The following PPM1H variants were observed in gnomAD, a reference collection of about 807,000 sequenced individuals.
PPM1H encodes protein phosphatase 1H.
A neutral mutation model predicts 54.9 loss-of-function variants in PPM1H; 27 were observed. That is an observed-to-expected ratio of 0.49 (90% CI 0.36 to 0.68). The LOEUF is 0.68. Ranked by LOEUF, PPM1H falls within the 30% of genes least tolerant of loss-of-function variation. The pLI, the probability that PPM1H is intolerant of heterozygous loss-of-function variation, is 0.00. For synonymous variants in PPM1H, 305 were observed against 270.8 expected (o/e 1.13, Z -1.24); for missense variants, 596 against 667.8 (o/e 0.89, Z 1.19).
At chr12:62,908,141 C>T (rs191472211) in intron 1 of PPM1H, among the ~76,000 whole-genome samples, 71 of 152,160 alleles carry the variant, frequency 4.7e-4, no homozygotes, top group Admixed American at 9.2e-4. Flanking sequence ...CAGCTGGGTG[C>T]GGTGGCTCAT....
At chr12:62,717,058 C>T (rs181145041) in intron 6 of PPM1H, among the ~76,000 whole-genome samples, 6 of 152,296 alleles carry the variant, frequency 3.9e-5, no homozygotes, top group Admixed American at 1.3e-4. Flanking sequence ...ACCGCACCCT[C>T]GAATTCCTGG....
intron 8 of PPM1H, among the ~76,000 whole-genome samples, chr12:62,687,341 C>T (rs1401211565): frequency 6.6e-6 from 1 of 152,184 alleles, no homozygotes; most frequent in Non-Finnish European, 1.5e-5. Context: ...AATCATGGCT[C>T]ACTGCAACTT....
chr12:62,918,897 G>A (rs191959706), intron 1 of PPM1H, among the ~76,000 whole-genome samples: 225 of 152,288 alleles, frequency 1.5e-3, no homozygotes, highest in African/African-American at 4.6e-3. Flanking sequence ...ATTATCAATC[G>A]AAGCTAATTA....
rs766595362 is a variant in PPM1H, at chr12:62,801,951, G to A, written c.621C>T (p.Thr207=). 5 of 1,612,646 alleles carry A rather than the reference G, an allele frequency of 3.1e-6. No individual in the cohort carries two copies. The South Asian group carries it at 3.3e-5, about 11-fold the overall frequency. The part of the protein sequence containing the change: ...ENTPANSRTL[T]RAASLRGGVG... ...CCCCTCCGCGCAGGGAGGCTGCCCG[G>A]GTCAGAGTCCGGCTGTTGGCGGGCG... Residue 207 remains threonine (T), a synonymous_variant, in exon 3 of 10, where the codon ACC becomes ACT. Coordinates refer to ENST00000228705, the MANE Select transcript of PPM1H (RefSeq NM_020700.2).
At chr12:62,652,922 T>G (rs1265016070) in intron 9 of PPM1H, among the ~76,000 whole-genome samples, 1 of 152,220 alleles carries the variant, frequency 6.6e-6, no homozygotes, top group Non-Finnish European at 1.5e-5. Flanking sequence ...TTAACAATGG[T>G]CTGTGAGTGG....
intron 1 of PPM1H, among the ~76,000 whole-genome samples, chr12:62,862,135 A>ATTCT (rs1869623950): frequency 6.6e-6 from 1 of 152,192 alleles, no homozygotes; most frequent in South Asian, 2.1e-4. Context: ...GCAGAGAGCA[A>ATTCT]AGATCATGAC....
intron 3 of PPM1H, among the ~76,000 whole-genome samples, chr12:62,793,646 C>A (rs1374591540): frequency 6.6e-6 from 1 of 150,934 alleles, no homozygotes; most frequent in African/African-American, 2.4e-5. Flanking sequence ...ATTGCTTGAA[C>A]CCGGGAGGTG....
At chr12:62,857,597 C>T (rs536063506) in intron 1 of PPM1H, among the ~76,000 whole-genome samples, 9 of 152,266 alleles carry the variant, frequency 5.9e-5, no homozygotes, top group African/African-American at 1.4e-4. Flanking sequence ...CATGATGATG[C>T]CTCAGGAACA....
chr12:62,755,384 G>A (rs342140), intron 4 of PPM1H: 59,004 of 780,438 alleles, frequency 0.076, 2,542 homozygotes, highest in African/African-American at 0.11. Flanking sequence ...TTTGTCTGTG[G>A]CAAATTCCAT....
Position 62,669,881 on chromosome 12 carries a change from G to T in PPM1H, c.1246-2552C>A, listed in dbSNP as rs147528998. On this transcript the variant is annotated intron_variant, in intron 8 of 9. Coordinates refer to ENST00000228705, the MANE Select transcript of PPM1H (RefSeq NM_020700.2). ...TTGAACCCAGGATTTTGAGGCTGTG[G>T]TGAGCCATGACTGTGCCATTACACT... 4.7e-3 allele frequency among the ~76,000 whole-genome samples: 711 copies of T among 150,856 alleles called. 6 individuals are homozygous for T. Among genetic ancestry groups the T allele is most frequent in the African/African-American group, 0.016 (669 of 40,998 alleles).
chr12:62,739,656 AC>A (rs1275917910), intron 4 of PPM1H, among the ~76,000 whole-genome samples: 1 of 152,160 alleles, frequency 6.6e-6, no homozygotes, highest in Admixed American at 6.5e-5. Context: ...CTCCTCTAGG[AC>A]CTGAGTGCCA....
intron 1 of PPM1H, among the ~76,000 whole-genome samples, chr12:62,864,499 GGATTGCAGGATAT>G (rs1869708628): frequency 2.6e-5 from 4 of 152,204 alleles, no homozygotes; most frequent in Non-Finnish European, 5.9e-5. Context: ...TAGCTTTGCA[GGATTGCAGGATAT>G]TTAGCATTGC....
intron 8 of PPM1H, among the ~76,000 whole-genome samples, chr12:62,686,029 A>C (rs530631016): frequency 6.6e-6 from 1 of 152,320 alleles, no homozygotes; most frequent in African/African-American, 2.4e-5. Flanking sequence ...ATTTTTGCAG[A>C]GGTTGACAGT....
intron 5 of PPM1H, among the ~76,000 whole-genome samples, chr12:62,729,411 C>T (rs1013312116): frequency 5.9e-5 from 9 of 152,130 alleles, no homozygotes; most frequent in Non-Finnish European, 8.8e-5. Context: ...CAAAGATGGC[C>T]CCTCCTGCAA....
chr12:62,737,894 G>GATGA (rs2076359474), intron 4 of PPM1H, among the ~76,000 whole-genome samples: 2 of 152,188 alleles, frequency 1.3e-5, no homozygotes, highest in South Asian at 4.1e-4. Context: ...TGGACGGATG[G>GATGA]ATGAATGAAT....
At chr12:62,878,042 C>G (rs148180047) in intron 1 of PPM1H, among the ~76,000 whole-genome samples, 44 of 152,200 alleles carry the variant, frequency 2.9e-4, no homozygotes, top group Non-Finnish European at 5.7e-4. Context: ...AGACTACAGG[C>G]GCCCGCCACC....
At chr12:62,907,832 C>T (rs1460137615) in intron 1 of PPM1H, among the ~76,000 whole-genome samples, 1 of 152,174 alleles carries the variant, frequency 6.6e-6, no homozygotes, top group Non-Finnish European at 1.5e-5. Flanking sequence ...ACCAATGCAG[C>T]TCCCAGAGGC....
At chr12:62,879,725 AG>A (rs1320039812) in intron 1 of PPM1H, among the ~76,000 whole-genome samples, 1 of 152,122 alleles carries the variant, frequency 6.6e-6, no homozygotes, top group Non-Finnish European at 1.5e-5. Flanking sequence ...ACAAACTTGC[AG>A]GTTGTGCACA....
chr12:62,709,001 T>A (rs1208992641), intron 6 of PPM1H, among the ~76,000 whole-genome samples: 1 of 151,916 alleles, frequency 6.6e-6, no homozygotes, highest in African/African-American at 2.4e-5. Context: ...GGTGGGAAAA[T>A]AAAATTCTGT....
Sources: gnomAD v4.1 joint callset for allele counts (sites outside exome capture counted in the v4.1 genomes callset) on GRCh38, gnomAD v4.1.1 for gene constraint, MANE v1.5 for transcripts, NCBI Gene and HGNC (gene_info 2026-07-23, HGNC 2026-07-21) for gene names.